The following CCDC191 variants were observed in gnomAD, a reference collection of about 807,000 sequenced individuals.
The protein encoded by CCDC191 is coiled-coil domain-containing protein 191.
Under a neutral mutation model 114.0 loss-of-function variants are expected in CCDC191, and 99 were observed. The ratio of observed to expected loss-of-function variants is 0.87; its 90% CI spans 0.74 to 1.03. CCDC191 has a LOEUF of 1.03. Ranked by LOEUF, CCDC191 falls within the 50% of genes least tolerant of loss-of-function variation. The pLI is 0.00. For missense variants in CCDC191, 973 were observed against 1,087.0 expected (o/e 0.90, Z 1.47); for synonymous variants, 351 against 376.0 (o/e 0.93, Z 0.77).
intron 15 of CCDC191, 76 bp from the exon 16 acceptor site, chr3:113,978,407 A>AAAGACAG: frequency 7.0e-7 from 1 of 1,434,320 alleles, no homozygotes. Flanking sequence ...AAACAGCACA[A>AAAGACAG]AAGACAGAAA....
intron 10 of CCDC191, 34 bp downstream of exon 10, chr3:114,005,469 TTAAAA>T: frequency 6.5e-7 from 1 of 1,549,140 alleles, no homozygotes; most frequent in East Asian, 2.3e-5. Flanking sequence ...GAAAAACCCC[TTAAAA>T]TGAGTCCAGC....
chr3:114,042,885 T>C, intron 3 of CCDC191, 39 bp from the exon 4 acceptor site: 1 of 1,545,150 alleles, frequency 6.5e-7, no homozygotes, highest in Non-Finnish European at 8.7e-7. Context: ...TTTCAGTTAC[T>C]TCAGAGATTT....
chr3:113,991,610 G>GGC (rs1418599858), intron 13 of CCDC191, among the ~76,000 whole-genome samples: 1 of 152,118 alleles, frequency 6.6e-6, no homozygotes, highest in African/African-American at 2.4e-5. Flanking sequence ...TCTGAAACAA[G>GGC]GCAAGGATGT....
At chr3:114,018,907 G>A (rs376802383) in intron 7 of CCDC191, 39 bp from the exon 8 acceptor site, 10 of 1,582,740 alleles carry the variant, frequency 6.3e-6, no homozygotes, top group African/African-American at 2.7e-5. Flanking sequence ...ACCCATCAGC[G>A]CTAGTGTTTC....
At chr3:114,023,486 T>C (rs2076273228) in intron 7 of CCDC191, among the ~76,000 whole-genome samples, 2 of 152,146 alleles carry the variant, frequency 1.3e-5, no homozygotes, top group South Asian at 4.1e-4. Context: ...CAAAACAGCA[T>C]GGTACTGGTA....
rs146950840 is a variant in CCDC191 at position 113,979,282 on chromosome 3, A to G, written c.2308-272T>C. 4.7e-3 allele frequency among the ~76,000 whole-genome samples: 714 copies of G among 152,310 alleles called. 7 individuals are homozygous for G. The highest frequency in any genetic ancestry group is 0.016 in the African/African-American group (675 of 41,570). ...AAATGGAACAACCAACCTCTAAGCC[A>G]TTACTTCACTTCCCCTGAGTTTTGG... On this transcript the variant is annotated intron_variant, in intron 14 of 16. Coordinates refer to ENST00000295878, the MANE Select transcript of CCDC191 (RefSeq NM_020817.2).
intron 9 of CCDC191, among the ~76,000 whole-genome samples, 178 bp downstream of exon 9, chr3:114,010,594 T>C (rs1006099116): frequency 6.6e-6 from 1 of 152,344 alleles, no homozygotes; most frequent in South Asian, 2.1e-4. Context: ...AAAGTTTATA[T>C]ATGATTATAA....
At chr3:113,978,121 G>T in intron 16 of CCDC191, 65 bp downstream of exon 16, 2 of 1,564,706 alleles carry the variant, frequency 1.3e-6, no homozygotes, top group Non-Finnish European at 1.8e-6. Flanking sequence ...CATTGTAGGA[G>T]CAGAATATAT....
intron 2 of CCDC191, among the ~76,000 whole-genome samples, chr3:114,048,863 G>T (rs2076664719): frequency 6.6e-6 from 1 of 152,154 alleles, no homozygotes; most frequent in Non-Finnish European, 1.5e-5. Flanking sequence ...CACTCAACAG[G>T]TGTCCAATAA....
chr3:113,968,919 G>A (rs1940509077), intron 16 of CCDC191, among the ~76,000 whole-genome samples: 1 of 151,444 alleles, frequency 6.6e-6, no homozygotes, highest in Admixed American at 6.6e-5. Context: ...TATTGGACTT[G>A]CAGTTTTGCC....
chr3:114,023,105 T>G (rs1026466075), intron 7 of CCDC191, among the ~76,000 whole-genome samples: 2 of 152,092 alleles, frequency 1.3e-5, no homozygotes, highest in Non-Finnish European at 2.9e-5. Context: ...CCCATTCACA[T>G]TTGCTTCAAA....
At position 114,041,728 on chromosome 3, in the gene CCDC191, A is replaced by G. The variant is rs570906869; in HGVS notation, c.415+975T>C. ...AAACAAGGAGAATGATGTCAGGTGAATTCACCAAGGGTATCTGAGTCATGT... is the reference window on the plus strand; with the variant it reads ...AAACAAGGAGAATGATGTCAGGTGAGTTCACCAAGGGTATCTGAGTCATGT... On this transcript the variant is annotated intron_variant, in intron 4 of 16. Coordinates refer to ENST00000295878, the MANE Select transcript of CCDC191 (RefSeq NM_020817.2). Among the ~76,000 whole-genome samples the G allele has an allele frequency of 2.6e-5, 4 of 152,282 alleles. No individual in the cohort carries two copies. The South Asian group carries it at 8.3e-4, about 32-fold the overall frequency.
At chr3:113,999,663 G>A (rs1345018840) in intron 13 of CCDC191, among the ~76,000 whole-genome samples, 2 of 152,106 alleles carry the variant, frequency 1.3e-5, no homozygotes, top group African/African-American at 4.8e-5. Flanking sequence ...AGGGGTAGTG[G>A]AAGAAGGTAT....
chr3:114,038,689 A>C (rs2076520188), intron 4 of CCDC191, among the ~76,000 whole-genome samples: 1 of 152,216 alleles, frequency 6.6e-6, no homozygotes, highest in Non-Finnish European at 1.5e-5. Context: ...TCGTTGAGGA[A>C]TACTATGCAG....
rs115995608 is a variant in CCDC191 at position 114,046,132 on chromosome 3, A to T, written c.271+459T>A. Reference sequence around the variant, plus strand: ...TTGTTGGTCCTTCCTGATTCCTTCTATACCTAAATGGTAGAGTTCCCCAGG... The same window carrying T: ...TTGTTGGTCCTTCCTGATTCCTTCTTTACCTAAATGGTAGAGTTCCCCAGG... On this transcript the variant is annotated intron_variant, in intron 3 of 16. Coordinates refer to ENST00000295878, the MANE Select transcript of CCDC191 (RefSeq NM_020817.2). Among the ~76,000 whole-genome samples the T allele has an allele frequency of 5.1e-3, 771 of 152,296 alleles. 9 individuals are homozygous for T. The highest frequency in any genetic ancestry group is 0.018 in the African/African-American group (729 of 41,554).
Position 113,980,703 on chromosome 3 carries a change from T to G in CCDC191, c.2254A>C (p.Lys752Gln), listed in dbSNP as rs1439724522. 1.9e-6 allele frequency: 3 copies of G among 1,609,990 alleles called. No individual in the cohort carries two copies. The Admixed American group carries it at 5.1e-5, about 27-fold the overall frequency. The change falls in exon 14 of 17, where the codon AAA (lysine) becomes CAA (glutamine). Residue 752 changes from lysine to glutamine, a missense_variant. Transcript: ENST00000295878. ...EHYERVLLRKKGLEPWKRLRM... is the reference protein window; with the variant it reads ...EHYERVLLRKQGLEPWKRLRM... The stretch of plus-strand genomic sequence containing the variant: ...AATCTCTTCCAAGGCTCTAGACCTT[T>G]TTTCCTTAGCAAGACCCTTTCATAA...
intron 9 of CCDC191, among the ~76,000 whole-genome samples, chr3:114,006,611 TATATATAAATATATATATTTTATATATAA>T (rs1185578206): frequency 1.4e-4 from 17 of 125,862 alleles, no homozygotes; most frequent in Non-Finnish European, 2.2e-4. Context: ...TATATATATA[TATATATAAATATATATATTTTATATATAA>T]AAAACATGAA....
At chr3:114,002,370 G>T in intron 12 of CCDC191, 86 bp downstream of exon 12, 1 of 939,708 alleles carries the variant, frequency 1.1e-6, no homozygotes, top group Non-Finnish European at 1.6e-6. Flanking sequence ...TGTCTCAGGA[G>T]TTCTGAAAAA....
intron 2 of CCDC191, among the ~76,000 whole-genome samples, chr3:114,050,836 T>C (rs953620589): frequency 2.0e-5 from 3 of 152,154 alleles, no homozygotes; most frequent in Non-Finnish European, 4.4e-5. Flanking sequence ...TTAAAATGTT[T>C]AGAAAGCTCA....
Sources: allele counts gnomAD v4.1 joint callset (sites outside exome capture counted in the v4.1 genomes callset), GRCh38; gene constraint gnomAD v4.1.1; transcripts MANE v1.5; gene names NCBI Gene and HGNC (gene_info 2026-07-23, HGNC 2026-07-21).